The following ADAMTSL1 variants were observed in gnomAD, a reference collection of about 807,000 sequenced individuals.
ADAMTSL1 encodes the protein ADAMTS-like protein 1.
ADAMTSL1 carries 126 observed loss-of-function variants against 201.8 expected under a neutral mutation model. The ratio of observed to expected loss-of-function variants is 0.62; its 90% CI spans 0.54 to 0.72. ADAMTSL1 has a LOEUF of 0.72. Among genes scored for constraint, ADAMTSL1 ranks in the 30% least tolerant of loss-of-function variants. The pLI is 0.00. For missense variants in ADAMTSL1, 2,679 were observed against 2,277.8 expected (o/e 1.18, Z -3.59); for synonymous variants, 1,121 against 903.4 (o/e 1.24, Z -4.32).
intron 2 of ADAMTSL1, among the ~76,000 whole-genome samples, chr9:18,434,974 T>G (rs531547992): frequency 8.5e-5 from 13 of 152,358 alleles, no homozygotes; most frequent in Middle Eastern, 6.8e-3. Context: ...TGATCACCAC[T>G]GTATCCCTAA....
At chr9:18,814,642 C>A (rs895377156) in intron 20 of ADAMTSL1, among the ~76,000 whole-genome samples, 1 of 152,154 alleles carries the variant, frequency 6.6e-6, no homozygotes, top group African/African-American at 2.4e-5. Flanking sequence ...AACAGAAAAC[C>A]AAATACTGCA....
chr9:18,395,939 A>G (rs1817735929), intron 2 of ADAMTSL1, among the ~76,000 whole-genome samples: 1 of 152,188 alleles, frequency 6.6e-6, no homozygotes, highest in African/African-American at 2.4e-5. Context: ...TGCTTTCCAG[A>G]TGTTTCTGAA....
At chr9:18,642,354 C>T (rs1157836157) in intron 7 of ADAMTSL1, among the ~76,000 whole-genome samples, 1 of 151,882 alleles carries the variant, frequency 6.6e-6, no homozygotes, top group Non-Finnish European at 1.5e-5. Context: ...AACATGTTTT[C>T]AAATATGTAT....
chr9:17,949,860 G>C (rs547424386), intron 1 of ADAMTSL1, among the ~76,000 whole-genome samples: 1 of 152,112 alleles, frequency 6.6e-6, no homozygotes, highest in South Asian at 2.1e-4. Flanking sequence ...ACCACTCTTT[G>C]ATTTGACAGC....
intron 2 of ADAMTSL1, among the ~76,000 whole-genome samples, chr9:18,394,298 C>CCTTTTTAAAG (rs1249232888): frequency 6.6e-6 from 1 of 152,126 alleles, no homozygotes; most frequent in Non-Finnish European, 1.5e-5. Flanking sequence ...AGGCCATATG[C>CCTTTTTAAAG]TTTAAAAGGA....
chr9:18,482,345 T>C lies in ADAMTSL1; in HGVS notation c.63+8050T>C, dbSNP rs141912250. On this transcript the variant is annotated intron_variant, in intron 1 of 28. Coordinates refer to ENST00000380548, the MANE Select transcript of ADAMTSL1 (RefSeq NM_001040272.6). ...TGTTTAAAGAAATAAGTGGTATGTT[T>C]GCCAATTCTACACTACATTAATTTT... Among the ~76,000 whole-genome samples the C allele has an allele frequency of 1.1e-3, 165 of 152,348 alleles. 1 individual carries two copies. The highest frequency in any genetic ancestry group is 3.8e-3 in the African/African-American group (157 of 41,584).
chr9:18,665,526 A>C (rs1014871827), intron 9 of ADAMTSL1, among the ~76,000 whole-genome samples: 3 of 152,132 alleles, frequency 2.0e-5, no homozygotes, highest in African/African-American at 7.2e-5. Flanking sequence ...CAGCTTCCTA[A>C]ATACATGAAC....
chr9:18,410,595 T>C (rs1272099352), intron 2 of ADAMTSL1, among the ~76,000 whole-genome samples: 1 of 152,220 alleles, frequency 6.6e-6, no homozygotes, highest in Non-Finnish European at 1.5e-5. Flanking sequence ...ATGGTGCATA[T>C]ATACCACATT....
At chr9:18,770,921 C>G (rs993402601) in intron 17 of ADAMTSL1, 140 bp downstream of exon 17, 5 of 927,258 alleles carry the variant, frequency 5.4e-6, no homozygotes, top group Non-Finnish European at 7.8e-6. Context: ...ACCATATATA[C>G]CGTAGTGTGT....
chr9:18,720,472 A>G (rs966656587), intron 14 of ADAMTSL1, among the ~76,000 whole-genome samples: 1 of 152,198 alleles, frequency 6.6e-6, no homozygotes, highest in Non-Finnish European at 1.5e-5. Flanking sequence ...TCTGGTCATT[A>G]CATTGCTCAT....
intron 1 of ADAMTSL1, among the ~76,000 whole-genome samples, chr9:18,485,104 T>C (rs1051361645): frequency 3.3e-5 from 5 of 152,172 alleles, no homozygotes; most frequent in Non-Finnish European, 7.3e-5. Flanking sequence ...ATGACAATTT[T>C]CCATCTTGAC....
At chr9:18,612,037 C>G (rs981833570) in intron 4 of ADAMTSL1, among the ~76,000 whole-genome samples, 7 of 152,138 alleles carry the variant, frequency 4.6e-5, no homozygotes, top group Non-Finnish European at 8.8e-5. Flanking sequence ...CTCAGTAGAT[C>G]AAGTACAAAG....
chr9:18,397,432 G>T (rs1207436599), intron 2 of ADAMTSL1, among the ~76,000 whole-genome samples: 1 of 152,130 alleles, frequency 6.6e-6, no homozygotes, highest in African/African-American at 2.4e-5. Context: ...AAGAAAAAAA[G>T]CTCAAGATGA....
chr9:17,910,434 G>T lies in ADAMTSL1; in HGVS notation c.87+3512G>T, dbSNP rs1392215426. 4.4e-5 allele frequency among the ~76,000 whole-genome samples: 3 copies of T among 67,954 alleles called. 1 individual carries two copies. Among genetic ancestry groups the T allele is most frequent in the African/African-American group, 8.9e-5 (3 of 33,668 alleles). 44.6% of individuals were successfully genotyped at this position (67,954 alleles called of 152,430 possible). A position where few individuals can be genotyped will look rare whatever the true frequency, so the allele number is the denominator to read the frequency against. On this transcript the variant is annotated intron_variant, in intron 1 of 29. Coordinates refer to the ADAMTSL1 transcript ENST00000680146. ...ACTTCAAGTCATTAGGTGCTTTCTT[G>T]GCATTCATGACAAGCTGATTTTTCC... is the stretch of plus-strand genomic sequence containing the variant.
At chr9:18,393,399 A>G (rs1838132711) in intron 2 of ADAMTSL1, among the ~76,000 whole-genome samples, 1 of 152,190 alleles carries the variant, frequency 6.6e-6, no homozygotes, top group African/African-American at 2.4e-5. Flanking sequence ...TCACCATCCC[A>G]GTTGTCTCAA....
At chr9:18,449,410 T>G (rs1281391276) in intron 2 of ADAMTSL1, among the ~76,000 whole-genome samples, 2 of 152,040 alleles carry the variant, frequency 1.3e-5, no homozygotes, top group Non-Finnish European at 2.9e-5. Context: ...TGTATAATAC[T>G]AAAGGGCTTT....
chr9:18,630,568 T>G (rs1014909315), intron 5 of ADAMTSL1, among the ~76,000 whole-genome samples: 2 of 152,174 alleles, frequency 1.3e-5, no homozygotes, highest in East Asian at 1.9e-4. Context: ...GTCTTCATAC[T>G]TCCAAAGCTG....
intron 19 of ADAMTSL1, among the ~76,000 whole-genome samples, chr9:18,795,082 C>T: frequency 6.6e-6 from 1 of 152,202 alleles, no homozygotes; most frequent in East Asian, 1.9e-4. Context: ...ATCCCCCCTT[C>T]CCCCGGATAT....
chr9:17,914,702 T>C (rs993354174), intron 1 of ADAMTSL1, among the ~76,000 whole-genome samples: 21 of 151,980 alleles, frequency 1.4e-4, no homozygotes, highest in Non-Finnish European at 2.5e-4. Flanking sequence ...AAATAAACGG[T>C]ATTCAATTAG....
Sources: gnomAD v4.1 joint callset for allele counts (sites outside exome capture counted in the v4.1 genomes callset) on GRCh38, gnomAD v4.1.1 for gene constraint, MANE v1.5 for transcripts, NCBI Gene and HGNC (gene_info 2026-07-23, HGNC 2026-07-21) for gene names.